ANO3: variants seen among roughly 807,000 people sequenced by gnomAD.
ANO3 encodes the protein anoctamin 3.
In ANO3, 99 loss-of-function variants were observed where a neutral mutation model predicts 144.8. The observed-to-expected ratio is 0.68, with a 90% confidence interval of 0.58 to 0.81. The LOEUF is 0.81. ANO3 is among the 30% of genes least tolerant of loss of function. The probability of loss-of-function intolerance (pLI) is 0.00; values close to 1 mark genes in which losing one functional copy is unlikely to be tolerated. For synonymous variants in ANO3, 414 were observed against 392.6 expected (o/e 1.05, Z -0.64); for missense variants, 905 against 1,202.2 (o/e 0.75, Z 3.66).
intron 1 of ANO3, among the ~76,000 whole-genome samples, chr11:26,222,044 A>G (rs574645894): frequency 6.6e-6 from 1 of 152,270 alleles, no homozygotes; most frequent in Non-Finnish European, 1.5e-5. Context: ...TAGTCCCCCC[A>G]AAGTCTTAAC....
At chr11:26,294,819 G>T (rs1168966563) in intron 1 of ANO3, among the ~76,000 whole-genome samples, 1 of 152,128 alleles carries the variant, frequency 6.6e-6, no homozygotes, top group Non-Finnish European at 1.5e-5. Context: ...CATATCTGCG[G>T]CAATGAATGT....
At chr11:26,476,479 C>A (rs369349140) in intron 4 of ANO3, among the ~76,000 whole-genome samples, 2 of 151,942 alleles carry the variant, frequency 1.3e-5, no homozygotes, top group African/African-American at 4.8e-5. Flanking sequence ...GCTTATATGG[C>A]AAAAACACAG....
chr11:26,447,813 T>C (rs548134459), intron 3 of ANO3, among the ~76,000 whole-genome samples: 2 of 152,320 alleles, frequency 1.3e-5, no homozygotes, highest in South Asian at 4.1e-4. Flanking sequence ...CTGACCCTTG[T>C]AGCAGTGAAT....
chr11:26,383,863 C>CA (rs775078423), intron 1 of ANO3, among the ~76,000 whole-genome samples: 1 of 142,662 alleles, frequency 7.0e-6, no homozygotes, highest in South Asian at 2.2e-4. Context: ...TTGTGCCACG[C>CA]ATTGTTCTTG....
intron 1 of ANO3, among the ~76,000 whole-genome samples, chr11:26,204,704 C>T (rs376622554): frequency 7.2e-5 from 11 of 152,018 alleles, no homozygotes; most frequent in Admixed American, 2.6e-4. Context: ...AGGTGTATGG[C>T]GTATACAGCA....
intron 1 of ANO3, among the ~76,000 whole-genome samples, chr11:26,203,864 A>C (rs565719697): frequency 6.6e-6 from 1 of 152,214 alleles, no homozygotes; most frequent in Admixed American, 6.6e-5. Flanking sequence ...TTGGGACTGG[A>C]AACAGCAGAA....
At chr11:26,623,631 C>T (rs2133006729) in intron 17 of ANO3, among the ~76,000 whole-genome samples, 1 of 152,172 alleles carries the variant, frequency 6.6e-6, no homozygotes, top group East Asian at 1.9e-4. Flanking sequence ...ACCACAAAAA[C>T]AATTTTGTTT....
chr11:26,435,589 A>C (rs1222986680), intron 1 of ANO3, among the ~76,000 whole-genome samples: 2 of 151,784 alleles, frequency 1.3e-5, no homozygotes, highest in East Asian at 3.9e-4. Flanking sequence ...GGTTTTGTTC[A>C]CTCTTTTTTA....
At chr11:26,355,517 G>A (rs1465813321) in intron 1 of ANO3, among the ~76,000 whole-genome samples, 1 of 150,144 alleles carries the variant, frequency 6.7e-6, no homozygotes, top group Non-Finnish European at 1.5e-5. Flanking sequence ...TACACTGTTG[G>A]GGTCTTGTCT....
Position 26,293,898 on chromosome 11 carries a change from TTAAG to T in ANO3, c.155-15743_155-15740del, listed in dbSNP as rs368848806. Among the ~76,000 whole-genome samples the T allele has an allele frequency of 6.4e-3, 971 of 152,268 alleles. 9 individuals carry two copies. Among genetic ancestry groups the T allele is most frequent in the African/African-American group, 0.022 (919 of 41,560 alleles). Reference sequence around the variant, plus strand: ...GGTGAAGAAACTGGCACTAGAATGATTAAGTAACACTCAAGTGTTGTAACTAGGA... The same window carrying T: ...GGTGAAGAAACTGGCACTAGAATGATTAACACTCAAGTGTTGTAACTAGGA... On this transcript the variant is annotated intron_variant, in intron 1 of 27. Coordinates refer to the ANO3 transcript ENST00000672621.
At chr11:26,366,881 C>CT (rs760374094) in intron 1 of ANO3, among the ~76,000 whole-genome samples, 29 of 151,962 alleles carry the variant, frequency 1.9e-4, no homozygotes, top group Non-Finnish European at 3.1e-4. Context: ...GATATTAGCC[C>CT]TTTGTCAGAT....
upstream of ANO3, among the ~76,000 whole-genome samples, chr11:26,327,435 T>C (rs1242676929): frequency 1.3e-5 from 2 of 152,160 alleles, no homozygotes; most frequent in Non-Finnish European, 2.9e-5. Flanking sequence ...TAGATGTGGA[T>C]AAAATATATC....
chr11:26,393,710 T>G (rs991968547), intron 1 of ANO3, among the ~76,000 whole-genome samples: 1 of 152,192 alleles, frequency 6.6e-6, no homozygotes, highest in African/African-American at 2.4e-5. Flanking sequence ...ACTTCTGAAT[T>G]TCATGAAATG....
At chr11:26,465,772 G>A (rs1859580692) in intron 4 of ANO3, among the ~76,000 whole-genome samples, 1 of 151,926 alleles carries the variant, frequency 6.6e-6, no homozygotes, top group African/African-American at 2.4e-5. Flanking sequence ...CTGTATATGT[G>A]TTTAAACATT....
intron 17 of ANO3, among the ~76,000 whole-genome samples, chr11:26,616,324 G>A (rs540432676): frequency 2.0e-5 from 3 of 152,078 alleles, no homozygotes; most frequent in South Asian, 2.1e-4. Context: ...AAGTTATTGC[G>A]ATTTTTGCTA....
chr11:26,615,201 G>A lies in ANO3; in HGVS notation c.1837-9261G>A, dbSNP rs535263244. ...GTTTTTGTTTTTTTTTTTACTTTAT[G>A]AGCTACCCATAAAACCACCGCTATA... On this transcript the variant is annotated intron_variant, in intron 17 of 26. Transcript: ENST00000256737. Among the ~76,000 whole-genome samples the A allele has an allele frequency of 3.0e-4, 44 of 145,222 alleles. 1 individual carries two copies. The highest frequency in any genetic ancestry group is 2.1e-3 in the Admixed American group (30 of 14,604).
At chr11:26,630,743 G>T (rs1852751012) in intron 18 of ANO3, among the ~76,000 whole-genome samples, 1 of 152,116 alleles carries the variant, frequency 6.6e-6, no homozygotes. Context: ...AAGGAATTCT[G>T]TGGTAAATTT....
chr11:26,314,284 T>C (rs747905440), intron 1 of ANO3, among the ~76,000 whole-genome samples: 2 of 152,226 alleles, frequency 1.3e-5, no homozygotes, highest in Non-Finnish European at 2.9e-5. Context: ...TTATGCATTT[T>C]CCAGCTGCAT....
In ANO3 at chr11:26,533,184, C is replaced by T. The variant is rs75776439; in HGVS notation, c.870-1272C>T. On this transcript the variant is annotated intron_variant, in intron 8 of 26. Transcript: ENST00000256737. ...TTAAGAAAGACAGAAATAAAATGCA[C>T]GTTTTGTAAGAGAGAGAGCAGCACA... Among the ~76,000 whole-genome samples, 15 of 151,728 alleles carry T rather than the reference C, an allele frequency of 9.9e-5. No homozygotes were observed. The East Asian group carries it at 1.9e-3, about 20-fold the overall frequency.
Sources: gnomAD v4.1 joint callset for allele counts (sites outside exome capture counted in the v4.1 genomes callset) on GRCh38, gnomAD v4.1.1 for gene constraint, MANE v1.5 for transcripts, NCBI Gene and HGNC (gene_info 2026-07-23, HGNC 2026-07-21) for gene names.